The following RORA variants were observed in gnomAD, a reference collection of about 807,000 sequenced individuals.
RORA encodes nuclear receptor ROR-alpha.
RORA carries 7 observed loss-of-function variants against 69.5 expected under a neutral mutation model. The ratio of observed to expected loss-of-function variants is 0.10; its 90% CI spans 0.06 to 0.19. The LOEUF is 0.19. Ranked by LOEUF, RORA falls within the 10% of genes least tolerant of loss-of-function variation. RORA has a pLI of 1.00. For missense variants in RORA, 457 were observed against 663.0 expected (o/e 0.69, Z 3.41); for synonymous variants, 261 against 240.8 (o/e 1.08, Z -0.78).
chr15:61,037,878 G>A (rs778114688), intron 1 of RORA, among the ~76,000 whole-genome samples: 49 of 152,180 alleles, frequency 3.2e-4, no homozygotes, highest in Admixed American at 9.2e-4. Flanking sequence ...AGGCTTTCCT[G>A]AAGAGCAGAC....
chr15:60,866,203 T>C (rs2073485499), intron 1 of RORA, among the ~76,000 whole-genome samples: 1 of 152,122 alleles, frequency 6.6e-6, no homozygotes, highest in Non-Finnish European at 1.5e-5. Context: ...TATATCCACC[T>C]CCCCACTATT....
chr15:60,552,167 TG>T (rs2067243838), intron 2 of RORA, among the ~76,000 whole-genome samples: 1 of 152,098 alleles, frequency 6.6e-6, no homozygotes, highest in Non-Finnish European at 1.5e-5. Flanking sequence ...ACTGGGAAAA[TG>T]ATAGTGGTGT....
In RORA at chr15:61,109,034, A is replaced by G. The variant is rs115209860; in HGVS notation, c.166+120019T>C. Reference sequence around the variant, plus strand: ...AACATGGTAAAACTCTGTCTCTACTAAAAGTGCAAAAATTAACTGGGTGTG... The same window carrying G: ...AACATGGTAAAACTCTGTCTCTACTGAAAGTGCAAAAATTAACTGGGTGTG... On this transcript the variant is annotated intron_variant, in intron 1 of 10. Transcript: ENST00000335670. Among the ~76,000 whole-genome samples, 1,374 of 152,222 alleles carry G rather than the reference A, an allele frequency of 9.0e-3. 27 individuals are homozygous for G. The highest frequency in any genetic ancestry group is 0.031 in the African/African-American group (1,302 of 41,532).
At chr15:60,677,222 C>A (rs1381531627) in intron 2 of RORA, 1 of 455,978 alleles carries the variant, frequency 2.2e-6, no homozygotes. Context: ...GCGCTCTGTA[C>A]CATGCCTGCC....
chr15:60,772,700 G>A (rs929930436), intron 1 of RORA, among the ~76,000 whole-genome samples: 1 of 152,160 alleles, frequency 6.6e-6, no homozygotes, highest in Non-Finnish European at 1.5e-5. Flanking sequence ...GAGCGTTCAT[G>A]AATGGCAAGG....
At chr15:60,539,056 G>A (rs2066775158) in intron 2 of RORA, among the ~76,000 whole-genome samples, 1 of 151,096 alleles carries the variant, frequency 6.6e-6, no homozygotes, top group Non-Finnish European at 1.5e-5. Context: ...TCAAACATTT[G>A]TGAACTAAAT....
intron 1 of RORA, chr15:60,682,538 G>C (rs890414248): frequency 2.6e-5 from 4 of 152,294 alleles, no homozygotes; most frequent in African/African-American, 9.6e-5. Context: ...CAGCTACTCG[G>C]GTGACTGAGG....
intron 1 of RORA, among the ~76,000 whole-genome samples, chr15:61,080,180 T>C (rs1014442413): frequency 5.3e-5 from 8 of 152,150 alleles, no homozygotes; most frequent in Admixed American, 2.0e-4. Flanking sequence ...GGTTGCCAAC[T>C]CCCCACTTCC....
At chr15:60,575,707 TCCA>T in intron 2 of RORA, among the ~76,000 whole-genome samples, 2 of 152,204 alleles carry the variant, frequency 1.3e-5, no homozygotes, top group Non-Finnish European at 2.9e-5. Flanking sequence ...AAAATAGTTT[TCCA>T]TGCCTGGGTC....
At chr15:60,924,522 C>T (rs1215437024) in intron 1 of RORA, among the ~76,000 whole-genome samples, 1 of 151,722 alleles carries the variant, frequency 6.6e-6, no homozygotes, top group Non-Finnish European at 1.5e-5. Flanking sequence ...CATACTTCTG[C>T]TCATCCGATT....
intron 1 of RORA, among the ~76,000 whole-genome samples, chr15:60,892,450 C>A (rs770133154): frequency 6.6e-6 from 1 of 152,178 alleles, no homozygotes; most frequent in Non-Finnish European, 1.5e-5. Context: ...CTCACCTGAA[C>A]CCGTGCCTTA....
intron 2 of RORA, among the ~76,000 whole-genome samples, chr15:60,583,504 A>G (rs535988108): frequency 6.6e-6 from 1 of 152,344 alleles, no homozygotes; most frequent in East Asian, 1.9e-4. Context: ...GAAGGCTAAA[A>G]TACATTGTGT....
At chr15:60,859,430 T>A (rs911739628) in intron 1 of RORA, among the ~76,000 whole-genome samples, 2 of 151,336 alleles carry the variant, frequency 1.3e-5, no homozygotes, top group Non-Finnish European at 2.9e-5. Flanking sequence ...AGTACAGAGA[T>A]CTCGAGCTCC....
chr15:60,598,520 T>C (rs545188916), intron 2 of RORA: 2 of 152,358 alleles, frequency 1.3e-5, no homozygotes, highest in East Asian at 1.9e-4. Context: ...ATAGTAAGCA[T>C]AATTTCTCTT....
At chr15:60,709,908 G>C (rs745804357) in intron 1 of RORA, among the ~76,000 whole-genome samples, 3 of 152,132 alleles carry the variant, frequency 2.0e-5, no homozygotes, top group Non-Finnish European at 4.4e-5. Flanking sequence ...TGCCAAAAAG[G>C]TTGGGGACTG....
At chr15:60,970,057 G>C (rs1018107741) in intron 1 of RORA, among the ~76,000 whole-genome samples, 2 of 152,194 alleles carry the variant, frequency 1.3e-5, no homozygotes, top group African/African-American at 4.8e-5. Flanking sequence ...AAGAGGTCCT[G>C]TGAGCACACA....
At chr15:60,642,743 T>A (rs2069965539) in intron 2 of RORA, among the ~76,000 whole-genome samples, 1 of 151,960 alleles carries the variant, frequency 6.6e-6, no homozygotes, top group African/African-American at 2.4e-5. Flanking sequence ...ATTAGCCAAG[T>A]GTGGTAGTGG....
intron 1 of RORA, among the ~76,000 whole-genome samples, chr15:60,718,898 C>T (rs1829416365): frequency 6.6e-6 from 1 of 152,312 alleles, no homozygotes. Flanking sequence ...TGACACAGAG[C>T]TCTGTATTAC....
intron 1 of RORA, among the ~76,000 whole-genome samples, chr15:60,982,749 G>C: frequency 6.6e-6 from 1 of 152,052 alleles, no homozygotes; most frequent in East Asian, 1.9e-4. Flanking sequence ...AAGGTTTTTT[G>C]TTTTTGTTTT....
Sources: allele counts gnomAD v4.1 joint callset (sites outside exome capture counted in the v4.1 genomes callset), GRCh38; gene constraint gnomAD v4.1.1; transcripts MANE v1.5; gene names NCBI Gene and HGNC (gene_info 2026-07-23, HGNC 2026-07-21).